The following KIF16B variants were observed in gnomAD, a reference collection of about 807,000 sequenced individuals.
The protein encoded by KIF16B is kinesin-like protein KIF16B.
A neutral mutation model predicts 156.3 loss-of-function variants in KIF16B; 98 were observed. The observed-to-expected ratio is 0.63, with a 90% confidence interval of 0.53 to 0.74. KIF16B has a LOEUF of 0.74. Ranked by LOEUF, KIF16B falls within the 30% of genes least tolerant of loss-of-function variation. KIF16B has a pLI of 0.00. For synonymous variants in KIF16B, 564 were observed against 583.7 expected, an observed-to-expected ratio of 0.97 and a Z score of 0.49; for missense variants, 1,421 against 1,606.5, an observed-to-expected ratio of 0.88 and a Z score of 1.97.
rs777072024 is a variant in KIF16B, at chr20:16,507,981, T to C, written c.676A>G (p.Ile226Val). The change falls in exon 7 of 26, where the codon ATC becomes GTC. Residue 226 changes from isoleucine to valine, a missense_variant. Ile to Val is a conservative substitution (Grantham distance 29). Coordinates refer to ENST00000354981, the MANE Select transcript of KIF16B (RefSeq NM_024704.5). The part of the protein sequence containing the change: ...MNDVSSRSHA[I>V]FTIKFTQAKF... ...ACCTGAGTGAACTTGATGGTGAAGA[T>C]GGCATGAGACCTGCTACTGACGTCG... 9 of 1,614,122 alleles carry C rather than the reference T, an allele frequency of 5.6e-6. No homozygotes were observed. The highest frequency in any genetic ancestry group is 5.0e-5 in the Admixed American group (3 of 60,016).
chr20:16,541,910 T>G (rs947234658), intron 1 of KIF16B, among the ~76,000 whole-genome samples: 1 of 152,218 alleles, frequency 6.6e-6, no homozygotes, highest in African/African-American at 2.4e-5. Flanking sequence ...TCAGGGACTG[T>G]GGGCTGCGGT....
intron 12 of KIF16B, among the ~76,000 whole-genome samples, chr20:16,486,409 A>G (rs552487222): frequency 3.3e-5 from 5 of 152,326 alleles, no homozygotes; most frequent in African/African-American, 9.6e-5. Flanking sequence ...ATCCTAGTTA[A>G]TTGGAACGTT....
intron 17 of KIF16B, among the ~76,000 whole-genome samples, chr20:16,392,131 A>G (rs1421567917): frequency 6.6e-6 from 1 of 152,184 alleles, no homozygotes; most frequent in Non-Finnish European, 1.5e-5. Context: ...TGACTCCTTT[A>G]TTTTGTTCCC....
chr20:16,376,436 C>G (rs1305979640), intron 19 of KIF16B, among the ~76,000 whole-genome samples: 1 of 152,210 alleles, frequency 6.6e-6, no homozygotes, highest in Non-Finnish European at 1.5e-5. Flanking sequence ...ATATTTCACA[C>G]TTGTGGAATT....
chr20:16,441,894 C>G (rs1201420256), intron 12 of KIF16B, among the ~76,000 whole-genome samples: 1 of 152,174 alleles, frequency 6.6e-6, no homozygotes, highest in African/African-American at 2.4e-5. Flanking sequence ...TATATTTTAT[C>G]TATATCTGTC....
intron 25 of KIF16B, among the ~76,000 whole-genome samples, chr20:16,309,238 A>G (rs2122683175): frequency 6.6e-6 from 1 of 152,362 alleles, no homozygotes; most frequent in South Asian, 2.1e-4. Flanking sequence ...TTGGCTAGGT[A>G]TCAGTGGAGC....
At chr20:16,493,560 G>T (rs1022460362) in intron 12 of KIF16B, among the ~76,000 whole-genome samples, 3 of 152,104 alleles carry the variant, frequency 2.0e-5, no homozygotes, top group Non-Finnish European at 2.9e-5. Flanking sequence ...ACCTCACATT[G>T]AATAGCCTCT....
Position 16,504,546 on chromosome 20 carries a change from G to A in KIF16B, c.1002C>T (p.Thr334=). Residue 334 remains threonine, a splice_region_variant and synonymous_variant, in exon 10 of 26, where the codon ACC becomes ACT. Coordinates refer to ENST00000354981, the MANE Select transcript of KIF16B (RefSeq NM_024704.5). The stretch of plus-strand genomic sequence containing the variant: ...CATAATTGACATCAGCAGGTGAAAT[G>A]GCTGTGAAGAATGTATTCAAAAAAT... ...GGNSKTIMIA[T]ISPADVNYGE... is the part of the protein sequence containing the mutation. 1.2e-6 allele frequency: 2 copies of A among 1,612,126 alleles called. No individual in the cohort carries two copies. The highest frequency in any genetic ancestry group is 1.7e-6 in the Non-Finnish European group (2 of 1,178,478).
chr20:16,453,404 A>G (rs1379455550), intron 12 of KIF16B, among the ~76,000 whole-genome samples: 6 of 152,286 alleles, frequency 3.9e-5, no homozygotes, highest in Admixed American at 6.5e-5. Flanking sequence ...CACTATAAAA[A>G]CTAATCTGAA....
intron 10 of KIF16B, among the ~76,000 whole-genome samples, chr20:16,501,590 C>T (rs1370122374): frequency 6.6e-6 from 1 of 152,030 alleles, no homozygotes; most frequent in Non-Finnish European, 1.5e-5. Flanking sequence ...TAGGAAACCC[C>T]TCAAATGCCC....
rs111384091 is a variant in KIF16B at position 16,306,506 on chromosome 20, G to C, written c.3795+5829C>G. On this transcript the variant is annotated intron_variant, in intron 25 of 25. Coordinates refer to ENST00000354981, the MANE Select transcript of KIF16B (RefSeq NM_024704.5). ...TTATTTTTCAGATTACAATCTTACA[G>C]GTTGAAAGACAGACTGGTATTACAG... Among the ~76,000 whole-genome samples, 1,021 of 152,246 alleles carry C rather than the reference G, an allele frequency of 6.7e-3. 22 individuals carry two copies. The highest frequency in any genetic ancestry group is 0.023 in the African/African-American group (969 of 41,532).
intron 17 of KIF16B, among the ~76,000 whole-genome samples, chr20:16,394,526 G>T (rs1015412606): frequency 1.3e-5 from 2 of 152,120 alleles, no homozygotes; most frequent in African/African-American, 2.4e-5. Flanking sequence ...AAAAACGCAA[G>T]ACAACTGAGA....
At chr20:16,413,489 A>AT (rs548701443) in intron 15 of KIF16B, among the ~76,000 whole-genome samples, 178 of 152,136 alleles carry the variant, frequency 1.2e-3, no homozygotes, top group African/African-American at 3.8e-3. Context: ...AAAACAACTC[A>AT]TTTTTTCTCC....
At chr20:16,521,544 T>C (rs578091717) in intron 3 of KIF16B, among the ~76,000 whole-genome samples, 2 of 152,274 alleles carry the variant, frequency 1.3e-5, no homozygotes, top group East Asian at 1.9e-4. Context: ...CTATGTTTGA[T>C]TGGTGTACCT....
rs554070600 is a variant in KIF16B at position 16,563,898 on chromosome 20, A to G, written c.47+9331T>C. On this transcript the variant is annotated intron_variant, in intron 1 of 25. Transcript: ENST00000354981. ...TCATATTACTTATAAAGTTCACCTA[A>G]AAGAAAGAAAAAACTTCCATGCGCT... Among the ~76,000 whole-genome samples, 4 of 152,316 alleles carry G rather than the reference A, an allele frequency of 2.6e-5. No homozygotes were observed. In the South Asian group the frequency reaches 8.3e-4, roughly 32 times the overall value.
At chr20:16,348,861 C>A (rs1052290287) in intron 23 of KIF16B, among the ~76,000 whole-genome samples, 1 of 152,128 alleles carries the variant, frequency 6.6e-6, no homozygotes, top group Non-Finnish European at 1.5e-5. Flanking sequence ...AAAAACCAAA[C>A]ATGATGGAAC....
At chr20:16,422,291 G>C (rs534081012) in intron 15 of KIF16B, among the ~76,000 whole-genome samples, 1 of 152,236 alleles carries the variant, frequency 6.6e-6, no homozygotes, top group East Asian at 1.9e-4. Flanking sequence ...CAGTGTCCGT[G>C]TGTGTGCTCT....
chr20:16,404,736 C>T (rs1191318211), intron 17 of KIF16B, 77 bp downstream of exon 17: 3 of 1,132,566 alleles, frequency 2.6e-6, no homozygotes, highest in Non-Finnish European at 4.0e-6. Context: ...TTATTTTTAC[C>T]TTGTGACTAT....
intron 6 of KIF16B, among the ~76,000 whole-genome samples, chr20:16,509,518 A>T (rs942702565): frequency 2.0e-5 from 3 of 152,224 alleles, no homozygotes; most frequent in African/African-American, 7.2e-5. Flanking sequence ...ATGGGTGACA[A>T]ATGTTACCTC....
Sources: allele counts gnomAD v4.1 joint callset (sites outside exome capture counted in the v4.1 genomes callset), GRCh38; gene constraint gnomAD v4.1.1; transcripts MANE v1.5; gene names NCBI Gene and HGNC (gene_info 2026-07-23, HGNC 2026-07-21).